The following PKNOX2 variants were observed in gnomAD, a reference collection of about 807,000 sequenced individuals.
The protein encoded by PKNOX2 is homeobox protein PKNOX2.
A neutral mutation model predicts 53.1 loss-of-function variants in PKNOX2; 14 were observed. That is an observed-to-expected ratio of 0.26 (90% confidence interval 0.17 to 0.41). The LOEUF is 0.41. PKNOX2 is among the 10% of genes least tolerant of loss of function. PKNOX2 has a pLI of 1.00. For missense variants in PKNOX2, 496 were observed against 602.8 expected, an observed-to-expected ratio of 0.82 and a Z score of 1.85; for synonymous variants, 257 against 242.8, an observed-to-expected ratio of 1.06 and a Z score of -0.54.
At chr11:125,175,223 GGAAGGAAGGAAGGAAGGAAGGAAGGAAA>G (rs917052105) in intron 1 of PKNOX2, among the ~76,000 whole-genome samples, 5 of 146,370 alleles carry the variant, frequency 3.4e-5, no homozygotes, top group South Asian at 2.2e-4. Context: ...AAGGAAGGAA[GGAAGGAAGGAAGGAAGGAAGGAAGGAAA>G]GAAGGAAGGA....
At chr11:125,302,943 A>G (rs1948175246) in intron 2 of PKNOX2, among the ~76,000 whole-genome samples, 1 of 152,174 alleles carries the variant, frequency 6.6e-6, no homozygotes, top group Non-Finnish European at 1.5e-5. Flanking sequence ...ACAGTGGACC[A>G]TCTCATGGCT....
chr11:125,309,548 G>T (rs986833267), intron 2 of PKNOX2, among the ~76,000 whole-genome samples: 11 of 151,946 alleles, frequency 7.2e-5, no homozygotes, highest in Admixed American at 1.3e-4. Context: ...CACCACGCCC[G>T]GGTAATTTTT....
chr11:125,168,051 C>T (rs1306506655), intron 1 of PKNOX2, among the ~76,000 whole-genome samples: 3 of 152,202 alleles, frequency 2.0e-5, no homozygotes, highest in African/African-American at 7.2e-5. Flanking sequence ...GGCCTGACCC[C>T]TGTTCAGTTA....
At chr11:125,174,279 G>A (rs1446503950) in intron 1 of PKNOX2, among the ~76,000 whole-genome samples, 1 of 152,144 alleles carries the variant, frequency 6.6e-6, no homozygotes, top group African/African-American at 2.4e-5. Flanking sequence ...GGTGTGGCCT[G>A]AACCCACTAT....
intron 7 of PKNOX2, among the ~76,000 whole-genome samples, chr11:125,409,136 C>G (rs1161347466): frequency 2.0e-5 from 3 of 152,132 alleles, no homozygotes; most frequent in African/African-American, 7.2e-5. Flanking sequence ...CACTCGCTGC[C>G]TTTTTTCTTC....
At chr11:125,221,149 T>C (rs1486350625) in intron 1 of PKNOX2, among the ~76,000 whole-genome samples, 1 of 150,322 alleles carries the variant, frequency 6.7e-6, no homozygotes, top group African/African-American at 2.4e-5. Flanking sequence ...AGTGAGACTC[T>C]GTCTAAAAAA....
chr11:125,254,032 A>G (rs1944210430), intron 2 of PKNOX2, among the ~76,000 whole-genome samples: 1 of 152,126 alleles, frequency 6.6e-6, no homozygotes. Flanking sequence ...CTTATGTAAC[A>G]CCAGGCTTCC....
intron 6 of PKNOX2, among the ~76,000 whole-genome samples, chr11:125,391,883 G>A (rs1169080565): frequency 2.6e-5 from 4 of 152,200 alleles, no homozygotes; most frequent in Non-Finnish European, 5.9e-5. Flanking sequence ...GAATTAAGTG[G>A]CATTGTTATT....
chr11:125,192,356 G>T (rs1956929748), intron 1 of PKNOX2, among the ~76,000 whole-genome samples: 1 of 152,194 alleles, frequency 6.6e-6, no homozygotes, highest in Non-Finnish European at 1.5e-5. Flanking sequence ...GTGTCTGAAG[G>T]CAGCTTGGGA....
intron 7 of PKNOX2, among the ~76,000 whole-genome samples, chr11:125,403,897 C>T (rs1190002499): frequency 1.3e-5 from 2 of 152,320 alleles, no homozygotes; most frequent in South Asian, 2.1e-4. Flanking sequence ...GACTCTGCAG[C>T]TCTGCGCCTC....
rs114367662 is a variant in PKNOX2, at chr11:125,267,102, G to A, written c.-130+31987G>A. The stretch of plus-strand genomic sequence containing the variant: ...ACCAGCCAAAGCACGGACCCTGATC[G>A]GTATCTCCATTTGGCTAACTCACCT... On this transcript the variant is annotated intron_variant, in intron 2 of 12. Coordinates refer to ENST00000298282, the MANE Select transcript of PKNOX2 (RefSeq NM_001382323.2). 4.0e-3 allele frequency among the ~76,000 whole-genome samples: 616 copies of A among 152,276 alleles called. 4 individuals carry two copies. Among genetic ancestry groups the A allele is most frequent in the African/African-American group, 0.014 (582 of 41,564 alleles).
intron 1 of PKNOX2, among the ~76,000 whole-genome samples, chr11:125,219,288 A>AG (rs535902136): frequency 8.9e-4 from 135 of 152,026 alleles, no homozygotes; most frequent in African/African-American, 3.1e-3. Flanking sequence ...ACAAAAAAAA[A>AG]TTAGCTGGAG....
intron 2 of PKNOX2, among the ~76,000 whole-genome samples, chr11:125,328,365 G>A (rs1252718486): frequency 7.3e-6 from 1 of 136,978 alleles, no homozygotes; most frequent in African/African-American, 3.4e-5. Flanking sequence ...GAGTGAGTGA[G>A]AGAGAGAGAG....
intron 1 of PKNOX2, among the ~76,000 whole-genome samples, chr11:125,190,504 G>A (rs530378982): frequency 2.0e-5 from 3 of 152,248 alleles, no homozygotes; most frequent in Non-Finnish European, 2.9e-5. Context: ...CACCCTCTTG[G>A]TTCCTTATTT....
intron 2 of PKNOX2, among the ~76,000 whole-genome samples, chr11:125,301,869 A>G (rs1948093040): frequency 6.6e-6 from 1 of 152,198 alleles, no homozygotes; most frequent in Admixed American, 6.5e-5. Flanking sequence ...TAAGCCAGGG[A>G]AAGCGTGCTC....
At chr11:125,379,112 G>A (rs1953057667) in intron 5 of PKNOX2, among the ~76,000 whole-genome samples, 1 of 146,596 alleles carries the variant, frequency 6.8e-6, no homozygotes, top group South Asian at 2.1e-4. Flanking sequence ...CCAGGCTGGA[G>A]TTCAGTGGCG....
intron 3 of PKNOX2, among the ~76,000 whole-genome samples, chr11:125,348,880 G>C (rs1280456928): frequency 6.6e-6 from 1 of 152,172 alleles, no homozygotes; most frequent in Non-Finnish European, 1.5e-5. Context: ...CCCCTAAGAG[G>C]GGGAGAAAGC....
chr11:125,244,943 G>A (rs1943443940), intron 2 of PKNOX2, among the ~76,000 whole-genome samples: 1 of 152,078 alleles, frequency 6.6e-6, no homozygotes, highest in Admixed American at 6.5e-5. Context: ...GAGACTACCT[G>A]GTCTCATGGG....
chr11:125,189,482 T>C (rs1956732286), intron 1 of PKNOX2, among the ~76,000 whole-genome samples: 1 of 119,890 alleles, frequency 8.3e-6, no homozygotes, highest in African/African-American at 3.4e-5. Context: ...TATATATATA[T>C]ATATATATAC....
Sources: gnomAD v4.1 joint callset for allele counts (sites outside exome capture counted in the v4.1 genomes callset) on GRCh38, gnomAD v4.1.1 for gene constraint, MANE v1.5 for transcripts, NCBI Gene and HGNC (gene_info 2026-07-23, HGNC 2026-07-21) for gene names.